Variants in GALNTL6 observed in about 807,000 individuals in gnomAD.
GALNTL6 encodes the protein polypeptide N-acetylgalactosaminyltransferase like 6.
GALNTL6 carries 46 observed loss-of-function variants against 73.7 expected under a neutral mutation model. The ratio of observed to expected loss-of-function variants is 0.62; its 90% CI spans 0.49 to 0.80. The LOEUF (loss-of-function observed/expected upper bound fraction) is 0.80, where lower values mean the gene tolerates loss of function less well. Among genes scored for constraint, GALNTL6 ranks in the 30% least tolerant of loss-of-function variants. The pLI is 0.00. For synonymous variants in GALNTL6, 259 were observed against 263.7 expected (o/e 0.98, Z 0.17); for missense variants, 604 against 755.0 (o/e 0.80, Z 2.34).
rs547623495 is a variant in GALNTL6, at chr4:172,992,458, G to A, written c.1372-16720G>A. ...TCTTTATTTTTCAAAGCTTATTAGA[G>A]TCCTGTGAACTAAAAGGCATTAAAG... On this transcript the variant is annotated intron_variant, in intron 10 of 12. Coordinates refer to ENST00000506823, the MANE Select transcript of GALNTL6 (RefSeq NM_001034845.3). Among the ~76,000 whole-genome samples the A allele has an allele frequency of 3.3e-5, 5 of 152,180 alleles. No homozygotes were observed. The South Asian group carries it at 6.2e-4, about 19-fold the overall frequency.
At chr4:172,705,322 C>G (rs1350628136) in intron 5 of GALNTL6, among the ~76,000 whole-genome samples, 2 of 149,798 alleles carry the variant, frequency 1.3e-5, no homozygotes, top group Non-Finnish European at 3.0e-5. Context: ...CTTGCGTTTG[C>G]TTTCTATTTT....
chr4:172,384,343 T>C (rs1743388119), intron 5 of GALNTL6, among the ~76,000 whole-genome samples: 1 of 152,120 alleles, frequency 6.6e-6, no homozygotes, highest in South Asian at 2.1e-4. Context: ...GTTTGTGTTG[T>C]ATCTAAAAAT....
At chr4:171,955,517 T>G (rs908598206) in intron 2 of GALNTL6, among the ~76,000 whole-genome samples, 1 of 152,056 alleles carries the variant, frequency 6.6e-6, no homozygotes, top group Non-Finnish European at 1.5e-5. Context: ...AAAGGTATAT[T>G]GTTTGCATAT....
chr4:172,530,411 T>C (rs1735129763), intron 5 of GALNTL6, among the ~76,000 whole-genome samples: 1 of 152,178 alleles, frequency 6.6e-6, no homozygotes, highest in Admixed American at 6.5e-5. Context: ...AGTATTCAGA[T>C]ATAATCTTAT....
rs142265791 is a variant in GALNTL6, at chr4:172,748,880, TTTGTTGTTGTTGTTGTTGTTGTTG to T, written c.554-60457_554-60434del. Among the ~76,000 whole-genome samples, 157 of 150,110 alleles carry T rather than the reference TTTGTTGTTGTTGTTGTTGTTGTTG, an allele frequency of 1.0e-3. 1 individual carries two copies. The highest frequency in any genetic ancestry group is 3.6e-3 in the African/African-American group (147 of 40,674). ...CTGCATGCATATACACATATTTTCT[TTTGTTGTTGTTGTTGTTGTTGTTG>T]TTGTTGTTGTTGTTGTTGTTGTTTA... On this transcript the variant is annotated intron_variant, in intron 5 of 12. Transcript: ENST00000506823.
At chr4:172,476,593 C>A (rs552247450) in intron 5 of GALNTL6, among the ~76,000 whole-genome samples, 1 of 152,132 alleles carries the variant, frequency 6.6e-6, no homozygotes, top group African/African-American at 2.4e-5. Flanking sequence ...TATAAGCAAC[C>A]GCGTCATCGT....
intron 5 of GALNTL6, among the ~76,000 whole-genome samples, chr4:172,450,560 A>T (rs1041194857): frequency 6.6e-6 from 1 of 152,206 alleles, no homozygotes; most frequent in Admixed American, 6.5e-5. Context: ...ACACCAGCAT[A>T]TGTCACCTCC....
intron 2 of GALNTL6, among the ~76,000 whole-genome samples, chr4:172,172,634 T>C (rs1050172637): frequency 7.2e-5 from 11 of 152,082 alleles, no homozygotes; most frequent in Non-Finnish European, 1.3e-4. Flanking sequence ...CTTTTCAACA[T>C]CATGATCTTA....
chr4:171,874,916 G>A (rs765789329), intron 2 of GALNTL6, among the ~76,000 whole-genome samples: 2 of 152,192 alleles, frequency 1.3e-5, no homozygotes, highest in African/African-American at 2.4e-5. Flanking sequence ...ATAGGGCAAC[G>A]AGGACATTTC....
intron 5 of GALNTL6, among the ~76,000 whole-genome samples, chr4:172,467,221 A>G (rs761049236): frequency 1.1e-4 from 16 of 152,254 alleles, no homozygotes; most frequent in African/African-American, 1.9e-4. Flanking sequence ...GAATGAATCT[A>G]TTCCTACATA....
chr4:171,854,246 A>G (rs1735617268), intron 2 of GALNTL6, among the ~76,000 whole-genome samples: 1 of 152,100 alleles, frequency 6.6e-6, no homozygotes, highest in Non-Finnish European at 1.5e-5. Context: ...TCTCCTTGTG[A>G]GTATTGCCTG....
intron 5 of GALNTL6, among the ~76,000 whole-genome samples, chr4:172,750,185 C>G (rs143450688): frequency 6.6e-6 from 1 of 152,020 alleles, no homozygotes; most frequent in Non-Finnish European, 1.5e-5. Context: ...TTCAGGGTTG[C>G]GGGTGGATAG....
Position 172,131,537 on chromosome 4 carries a change from T to C in GALNTL6, c.139-98119T>C, listed in dbSNP as rs999454108. ...GCATATATATACACACACACACATA[T>C]GTGTTTGTGTGTGTATGCTTTTATT... On this transcript the variant is annotated intron_variant, in intron 2 of 12. Transcript: ENST00000506823. Among the ~76,000 whole-genome samples, 6 of 150,104 alleles carry C rather than the reference T, an allele frequency of 4.0e-5. No homozygotes were observed. The Admixed American group carries it at 4.0e-4, about 10-fold the overall frequency.
chr4:172,281,005 C>CAA (rs34883890), intron 3 of GALNTL6, among the ~76,000 whole-genome samples: 1,661 of 132,694 alleles, frequency 0.013, 35 homozygotes, highest in African/African-American at 0.042. Context: ...CTAAAAAATA[C>CAA]AAAAAAAAAA....
chr4:172,780,177 C>T (rs1739302021), intron 5 of GALNTL6, among the ~76,000 whole-genome samples: 1 of 151,628 alleles, frequency 6.6e-6, no homozygotes, highest in Admixed American at 6.6e-5. Flanking sequence ...AAAGAAACAT[C>T]AAATCTTAAA....
intron 2 of GALNTL6, among the ~76,000 whole-genome samples, chr4:171,818,899 C>A (rs1734604924): frequency 6.6e-6 from 1 of 151,826 alleles, no homozygotes; most frequent in Non-Finnish European, 1.5e-5. Flanking sequence ...TCTTTTTGAA[C>A]AACAATATTT....
At chr4:172,606,611 CATAT>C (rs1738288702) in intron 5 of GALNTL6, among the ~76,000 whole-genome samples, 1 of 116,324 alleles carries the variant, frequency 8.6e-6, no homozygotes, top group African/African-American at 3.5e-5. Flanking sequence ...TACATATATA[CATAT>C]ATAGTATATA....
chr4:172,238,623 C>A (rs1273643919), intron 3 of GALNTL6, among the ~76,000 whole-genome samples: 1 of 151,948 alleles, frequency 6.6e-6, no homozygotes, highest in Admixed American at 6.5e-5. Context: ...CTGACTAGGA[C>A]TTTCAGTACT....
At chr4:172,438,021 G>T (rs187685731) in intron 5 of GALNTL6, among the ~76,000 whole-genome samples, 2 of 152,104 alleles carry the variant, frequency 1.3e-5, no homozygotes, top group African/African-American at 4.8e-5. Flanking sequence ...CCTCATATTT[G>T]CAAGTTGTGT....
Sources: allele counts gnomAD v4.1 joint callset (sites outside exome capture counted in the v4.1 genomes callset), GRCh38; gene constraint gnomAD v4.1.1; transcripts MANE v1.5; gene names NCBI Gene and HGNC (gene_info 2026-07-23, HGNC 2026-07-21).